MEI1: variants seen among roughly 807,000 people sequenced by gnomAD.
The protein encoded by MEI1 is meiosis inhibitor protein 1.
MEI1 carries 103 observed loss-of-function variants against 146.2 expected under a neutral mutation model. That is an observed-to-expected ratio of 0.70 (90% confidence interval 0.60 to 0.83). The LOEUF (loss-of-function observed/expected upper bound fraction) is 0.83, where lower values mean the gene tolerates loss of function less well. Ranked by LOEUF, MEI1 falls within the 40% of genes least tolerant of loss-of-function variation. MEI1 has a pLI of 0.00. For synonymous variants in MEI1, 652 were observed against 628.2 expected (o/e 1.04, Z -0.57); for missense variants, 1,529 against 1,533.0 (o/e 1.00, Z 0.04).
At chr22:41,758,613 C>T (rs2074254125) in intron 18 of MEI1, 80 bp downstream of exon 18, 7 of 1,419,456 alleles carry the variant, frequency 4.9e-6, no homozygotes, top group Middle Eastern at 2.4e-4. Flanking sequence ...AAGGGCATCT[C>T]TCCAAGCCTG....
rs1601686663 is a variant in MEI1, at chr22:41,714,673, T to A, written c.423+598T>A. On this transcript the variant is annotated intron_variant, in intron 4 of 30. Coordinates refer to ENST00000401548, the MANE Select transcript of MEI1 (RefSeq NM_152513.4). Reference sequence around the variant, plus strand: ...ATCACTTGAGGTCAGGAGTTCGAGATCAGCCTGGCCATTATGGTGAAACCC... The same window carrying A: ...ATCACTTGAGGTCAGGAGTTCGAGAACAGCCTGGCCATTATGGTGAAACCC... Among the ~76,000 whole-genome samples, 4 of 150,460 alleles carry A rather than the reference T, an allele frequency of 2.7e-5. No homozygotes were observed. In the South Asian group the frequency reaches 8.5e-4, roughly 32 times the overall value.
chr22:41,773,024 G>A (rs2075269774), intron 20 of MEI1, among the ~76,000 whole-genome samples: 2 of 152,212 alleles, frequency 1.3e-5, no homozygotes, highest in Non-Finnish European at 2.9e-5. Flanking sequence ...TTCACAGGAT[G>A]TAAATATTAA....
chr22:41,700,480 G>A (rs937082339), intron 1 of MEI1, among the ~76,000 whole-genome samples: 1 of 152,106 alleles, frequency 6.6e-6, no homozygotes, highest in African/African-American at 2.4e-5. Context: ...ACAGGCTCCC[G>A]CCACCACGCT....
intron 7 of MEI1, among the ~76,000 whole-genome samples, chr22:41,728,853 C>A (rs2071589519): frequency 7.0e-6 from 1 of 142,896 alleles, no homozygotes; most frequent in Admixed American, 6.7e-5. Context: ...AAAGTGAGAC[C>A]CTGTGTCAAA....
At chr22:41,777,047 G>A (rs1020122723) in intron 21 of MEI1, among the ~76,000 whole-genome samples, 1 of 151,948 alleles carries the variant, frequency 6.6e-6, no homozygotes, top group African/African-American at 2.4e-5. Flanking sequence ...AAACCCCTGA[G>A]CTCAAGTGAT....
intron 1 of MEI1, among the ~76,000 whole-genome samples, chr22:41,702,523 C>T (rs1037217812): frequency 1.5e-4 from 22 of 151,170 alleles, no homozygotes; most frequent in South Asian, 2.1e-4. Context: ...CTTGGCTCAC[C>T]GCAACCTCCC....
At chr22:41,720,107 G>A (rs1208076048) in intron 6 of MEI1, among the ~76,000 whole-genome samples, 2 of 152,154 alleles carry the variant, frequency 1.3e-5, no homozygotes, top group Admixed American at 1.3e-4. Flanking sequence ...CTAGTGTGAT[G>A]AGTGCCATCT....
At chr22:41,776,324 A>G in intron 21 of MEI1, 57 bp downstream of exon 21, 1 of 1,578,080 alleles carries the variant, frequency 6.3e-7, no homozygotes, top group Non-Finnish European at 8.7e-7. Context: ...GAGAATGGGC[A>G]TCTCTACCCT....
chr22:41,761,620 G>T (rs923722009), intron 18 of MEI1, among the ~76,000 whole-genome samples: 5 of 151,588 alleles, frequency 3.3e-5, no homozygotes, highest in African/African-American at 1.2e-4. Context: ...GGCCGACTCA[G>T]TCTTAAAAGA....
rs1362720438 is a variant in MEI1 at position 41,759,651 on chromosome 22, AT to A, written c.2120+1119del. On this transcript the variant is annotated intron_variant, in intron 18 of 30. Coordinates refer to ENST00000401548, the MANE Select transcript of MEI1 (RefSeq NM_152513.4). ...TCTCAAAAAATAAATAAATAAATAA[AT>A]AAATAAATAAAAATAAAAATACAAA... 3.3e-5 allele frequency among the ~76,000 whole-genome samples: 5 copies of A among 150,716 alleles called. No homozygotes were observed. The East Asian group carries it at 5.8e-4, about 18-fold the overall frequency.
intron 2 of MEI1, 26 bp downstream of exon 2, chr22:41,703,480 T>C: frequency 6.5e-7 from 1 of 1,538,224 alleles, no homozygotes; most frequent in Non-Finnish European, 8.8e-7. Context: ...AAATTTGACA[T>C]GAGTTTTGAA....
chr22:41,771,469 A>T (rs557313534), intron 20 of MEI1, among the ~76,000 whole-genome samples: 1 of 152,198 alleles, frequency 6.6e-6, no homozygotes, highest in African/African-American at 2.4e-5. Context: ...ACAGTCTCAC[A>T]CTGTTGCCCA....
intron 11 of MEI1, among the ~76,000 whole-genome samples, chr22:41,742,234 TG>T (rs1437484476): frequency 5.3e-5 from 8 of 152,252 alleles, no homozygotes; most frequent in Admixed American, 2.0e-4. Flanking sequence ...CACTCCAGCC[TG>T]GGTGACAGAG....
At chr22:41,722,244 T>A (rs2070918349) in intron 6 of MEI1, 1 of 151,770 alleles carries the variant, frequency 6.6e-6, no homozygotes, top group Non-Finnish European at 1.5e-5. Context: ...TTCTGTCTTA[T>A]GTCATCTTAT....
At chr22:41,736,957 A>G (rs1465017539) in intron 11 of MEI1, among the ~76,000 whole-genome samples, 3 of 152,304 alleles carry the variant, frequency 2.0e-5, no homozygotes, top group Non-Finnish European at 4.4e-5. Flanking sequence ...GCATATAGAG[A>G]AAAACACCCA....
chr22:41,726,157 A>C (rs1248178114), intron 7 of MEI1, among the ~76,000 whole-genome samples: 1 of 152,206 alleles, frequency 6.6e-6, no homozygotes, highest in Non-Finnish European at 1.5e-5. Context: ...ACACACCTGT[A>C]ATCCCAGCTA....
chr22:41,772,274 T>C (rs1366913721), intron 20 of MEI1, among the ~76,000 whole-genome samples: 1 of 152,152 alleles, frequency 6.6e-6, no homozygotes, highest in Non-Finnish European at 1.5e-5. Context: ...CAGGCTAGAG[T>C]GCAGTGGCAG....
Position 41,781,559 on chromosome 22 carries a change from C to T in MEI1, c.2927-126C>T, listed in dbSNP as rs189151690. The T allele has an allele frequency of 1.1e-5, 14 of 1,256,678 alleles. No homozygotes were observed. In the East Asian group the frequency reaches 3.3e-4, roughly 30 times the overall value. 77.8% of individuals were successfully genotyped at this position (1,256,678 alleles called of 1,614,324 possible). A position where few individuals can be genotyped will look rare whatever the true frequency, so the allele number is the denominator to read the frequency against. On this transcript the variant is annotated intron_variant, in intron 23 of 30. Transcript: ENST00000401548. The stretch of plus-strand genomic sequence containing the variant: ...TGAGCTTCTGTTATGAAGCTGGGAC[C>T]CTTAGAGCCTCAGGATGATCCTCTG...
intron 18 of MEI1, among the ~76,000 whole-genome samples, chr22:41,761,911 A>T (rs1029242652): frequency 6.6e-6 from 1 of 152,286 alleles, no homozygotes; most frequent in African/African-American, 2.4e-5. Flanking sequence ...TCCACTTAGC[A>T]TATCATTTTA....
Sources: allele counts gnomAD v4.1 joint callset (sites outside exome capture counted in the v4.1 genomes callset), GRCh38; gene constraint gnomAD v4.1.1; transcripts MANE v1.5; gene names NCBI Gene and HGNC (gene_info 2026-07-23, HGNC 2026-07-21).